The following ORAI3 variants were observed in gnomAD, a reference collection of about 807,000 sequenced individuals.
ORAI3 encodes ORAI calcium release-activated calcium modulator 3.
A neutral mutation model predicts 17.2 loss-of-function variants in ORAI3; 15 were observed. That is an observed-to-expected ratio of 0.87 (90% CI 0.58 to 1.34). ORAI3 has a LOEUF of 1.34. ORAI3 is among the 40% of genes most tolerant of loss of function. The pLI, the probability that ORAI3 is intolerant of heterozygous loss-of-function variation, is 0.00. For missense variants in ORAI3, 405 were observed against 396.7 expected (o/e 1.02, Z -0.18); for synonymous variants, 178 against 172.4 (o/e 1.03, Z -0.25).
intron 1 of ORAI3, 66 bp downstream of exon 1, chr16:30,949,583 G>GGC: frequency 1.7e-6 from 1 of 598,932 alleles, no homozygotes; most frequent in African/African-American, 2.1e-5. Flanking sequence ...TCGGGGGGGG[G>GGC]GCGAAGTAAA....
rs1382564302 is a variant in ORAI3, at chr16:30,953,278, G to A, written c.322G>A (p.Val108Met). 9 of 1,613,844 alleles carry A rather than the reference G, an allele frequency of 5.6e-6. No individual in the cohort carries two copies. Among genetic ancestry groups the A allele is most frequent in the South Asian group, 1.1e-5 (1 of 91,048 alleles). Residue 108 changes from valine to methionine, a missense_variant, in exon 2 of 2, where the codon GTG becomes ATG. By Grantham distance (21) the Val-to-Met change is conservative. Coordinates refer to ENST00000318663, the MANE Select transcript of ORAI3 (RefSeq NM_152288.3). ...TGCCTGCACCACCGTGCTGGTGGCT[G>A]TGCACCTCTTTGCACTCATGGTCTC... ...FSACTTVLVA[V>M]HLFALMVSTC... is the part of the protein sequence containing the mutation.
At chr16:30,951,163 C>A (rs1359616261) in intron 1 of ORAI3, among the ~76,000 whole-genome samples, 1 of 152,200 alleles carries the variant, frequency 6.6e-6, no homozygotes, top group Non-Finnish European at 1.5e-5. Flanking sequence ...CTTCTTTCCC[C>A]AGGCCCAGAG....
rs1283881255 is a variant in ORAI3 at position 30,953,811 on chromosome 16, G to T, written c.855G>T (p.Leu285=). Residue 285 remains leucine, a synonymous_variant, in exon 2 of 2, where the codon CTG becomes CTT. Coordinates refer to ENST00000318663, the MANE Select transcript of ORAI3 (RefSeq NM_152288.3). ...TDRYKQELEE[L]NRLQGELQAV is the part of the protein sequence containing the mutation. Reference sequence around the variant, plus strand: ...GCTACAAGCAGGAACTAGAGGAACTGAATCGCCTGCAGGGGGAGCTGCAGG... The same window carrying T: ...GCTACAAGCAGGAACTAGAGGAACTTAATCGCCTGCAGGGGGAGCTGCAGG... 6.2e-7 allele frequency: 1 copy of T among 1,612,234 alleles called. No individual in the cohort carries two copies. The highest frequency in any genetic ancestry group is 8.5e-7 in the Non-Finnish European group (1 of 1,179,338).
In ORAI3 at chr16:30,953,277, T is replaced by C; in HGVS notation, c.321T>C (p.Ala107=). The part of the protein sequence containing the change: ...AFSACTTVLV[A]VHLFALMVST... ...GTGCCTGCACCACCGTGCTGGTGGC[T>C]GTGCACCTCTTTGCACTCATGGTCT... Residue 107 remains alanine, a synonymous_variant, in exon 2 of 2, where the codon GCT becomes GCC. Transcript: ENST00000318663. 1.2e-6 allele frequency: 2 copies of C among 1,614,000 alleles called. No homozygotes were observed. Among genetic ancestry groups the C allele is most frequent in the Non-Finnish European group, 1.7e-6 (2 of 1,179,922 alleles).
At position 30,953,246 on chromosome 16, in the gene ORAI3, C is replaced by T; in HGVS notation, c.290C>T (p.Ala97Val). 1 of 1,608,396 alleles carries T rather than the reference C, an allele frequency of 6.2e-7. No homozygotes were observed. Among genetic ancestry groups the T allele is most frequent in the South Asian group, 1.1e-5 (1 of 90,006 alleles). ...DHEYPPGLLVAFSACTTVLVA... is the reference protein window; with the variant it reads ...DHEYPPGLLVVFSACTTVLVA... ...GAGTACCCACCAGGCCTGCTGGTGGCCTTCAGTGCCTGCACCACCGTGCTG... is the reference window on the plus strand; with the variant it reads ...GAGTACCCACCAGGCCTGCTGGTGGTCTTCAGTGCCTGCACCACCGTGCTG... Residue 97 changes from alanine to valine, a missense_variant, in exon 2 of 2, where the codon GCC (alanine) becomes GTC (valine). Coordinates refer to ENST00000318663, the MANE Select transcript of ORAI3 (RefSeq NM_152288.3).
rs766443468 is a variant in ORAI3 at position 30,949,379 on chromosome 16, C to A, written c.90C>A (p.Phe30Leu). ...CAGGCTCGGCCACGTACCGGGAGTT[C>A]GTGCACCGCGGCTACCTGGACCTCA... ...SPAGSATYRE[F>L]VHRGYLDLMG... is the part of the protein sequence containing the mutation. Residue 30 changes from phenylalanine (F) to leucine (L), a missense_variant, in exon 1 of 2, where the codon TTC (phenylalanine) becomes TTA (leucine). Phe to Leu is a conservative substitution (Grantham distance 22). Transcript: ENST00000318663. The A allele has an allele frequency of 7.0e-6, 11 of 1,578,432 alleles. No individual in the cohort carries two copies. Among genetic ancestry groups the A allele is most frequent in the Non-Finnish European group, 9.4e-6 (11 of 1,164,358 alleles).
At position 30,954,223 on chromosome 16, in the gene ORAI3, GTTTAA is replaced by G. The variant is rs1156662518; in HGVS notation, c.*383_*387del. On this transcript the variant is annotated 3_prime_UTR_variant, in exon 2 of 2. Coordinates refer to ENST00000318663, the MANE Select transcript of ORAI3 (RefSeq NM_152288.3). ...AAGGTCAGAAGGCAGCCAATTGTTG[GTTTAA>G]TTTTTTTTTTTTTTTGAGACAGTCT... The G allele has an allele frequency of 3.1e-6, 2 of 651,252 alleles. No individual in the cohort carries two copies. The highest frequency in any genetic ancestry group is 5.5e-6 in the Non-Finnish European group (2 of 363,040). 40.3% of individuals were successfully genotyped at this position (651,252 alleles called of 1,614,324 possible).
rs1442052192 is a variant in ORAI3 at position 30,954,697 on chromosome 16, G to A, written c.*853G>A. 6.5e-6 allele frequency: 1 copy of A among 155,014 alleles called. No homozygotes were observed. Among genetic ancestry groups the A allele is most frequent in the African/African-American group, 2.4e-5 (1 of 41,428 alleles). The allele number at this position is 155,014 out of a possible 1,614,324, so 9.6% of individuals were successfully genotyped here. ...TGGTGACCTGTGGCCACTTGCAGAA[G>A]GGATGGTGCCTGACCCACTGCCCTA... is the stretch of plus-strand genomic sequence containing the variant. On this transcript the variant is annotated 3_prime_UTR_variant, in exon 2 of 2. Transcript: ENST00000318663.
chr16:30,953,250 C>T lies in ORAI3; in HGVS notation c.294C>T (p.Phe98=). ...HEYPPGLLVA[F]SACTTVLVAV... is the part of the protein sequence containing the mutation. ...ACCCACCAGGCCTGCTGGTGGCCTTCAGTGCCTGCACCACCGTGCTGGTGG... is the reference window on the plus strand; with the variant it reads ...ACCCACCAGGCCTGCTGGTGGCCTTTAGTGCCTGCACCACCGTGCTGGTGG... The change falls in exon 2 of 2, where the codon TTC becomes TTT. Residue 98 remains phenylalanine (F), a synonymous_variant. Transcript: ENST00000318663. 4.3e-6 allele frequency: 7 copies of T among 1,610,018 alleles called. No homozygotes were observed. The highest frequency in any genetic ancestry group is 5.9e-6 in the Non-Finnish European group (7 of 1,177,958).
In ORAI3 at chr16:30,953,904, C is replaced by T. The variant is rs375813856; in HGVS notation, c.*60C>T. The T allele has an allele frequency of 5.2e-6, 8 of 1,534,190 alleles. No homozygotes were observed. The highest frequency in any genetic ancestry group is 4.6e-5 in the East Asian group (2 of 43,916). ...CCTCCCTCCGGGGTCTGTAAGAGGCCGCAGGGGCCTACAGACCTCATCCCC... is the reference window on the plus strand; with the variant it reads ...CCTCCCTCCGGGGTCTGTAAGAGGCTGCAGGGGCCTACAGACCTCATCCCC... On this transcript the variant is annotated 3_prime_UTR_variant, in exon 2 of 2. Transcript: ENST00000318663.
Position 30,953,215 on chromosome 16 carries a change from G to A in ORAI3, c.259G>A (p.Asp87Asn), listed in dbSNP as rs963602459. 7 of 1,589,166 alleles carry A rather than the reference G, an allele frequency of 4.4e-6. No homozygotes were observed. In the African/African-American group the frequency reaches 6.7e-5, roughly 15 times the overall value. Residue 87 changes from aspartate (D) to asparagine (N), a missense_variant, in exon 2 of 2, where the codon GAC becomes AAC. Transcript: ENST00000318663. The stretch of plus-strand genomic sequence containing the variant: ...CATGGTGGAGGTGCAGCTGGAGAGT[G>A]ACCACGAGTACCCACCAGGCCTGCT... ...VAMVEVQLES[D>N]HEYPPGLLVA...
In ORAI3 at chr16:30,953,692, A is replaced by G; in HGVS notation, c.736A>G (p.Met246Val). 2 of 1,614,172 alleles carry G rather than the reference A, an allele frequency of 1.2e-6. No individual in the cohort carries two copies. The highest frequency in any genetic ancestry group is 1.7e-6 in the Non-Finnish European group (2 of 1,180,038). ...CCATGGGCCAGGCTGGCAAGCAGCC[A>G]TGGCCTCCACAGCCATCATGGTACC... Reference protein sequence around the residue: ...GAHGPGWQAAMASTAIMVPVG... With the variant: ...GAHGPGWQAAVASTAIMVPVG... The change falls in exon 2 of 2, where the codon ATG (methionine) becomes GTG (valine). Residue 246 changes from methionine to valine, a missense_variant. Met to Val is a conservative substitution (Grantham distance 21). Transcript: ENST00000318663.
In ORAI3 at chr16:30,953,511, C is replaced by T; in HGVS notation, c.555C>T (p.Thr185=). ...TTGGGGCTCCCTTGGACACACCGAC[C>T]CCCATGGTGCCCACATCCCGGGTGC... ...VPIGAPLDTP[T]PMVPTSRVPG... Residue 185 remains threonine, a synonymous_variant, in exon 2 of 2, where the codon ACC becomes ACT. Transcript: ENST00000318663. 3.7e-6 allele frequency: 6 copies of T among 1,614,254 alleles called. No homozygotes were observed. Among genetic ancestry groups the T allele is most frequent in the Non-Finnish European group, 5.1e-6 (6 of 1,180,038 alleles).
rs1324117531 is a variant in ORAI3 at position 30,954,925 on chromosome 16, T to C, written c.*1081T>C. The C allele has an allele frequency of 6.6e-6, 1 of 152,258 alleles. No individual in the cohort carries two copies. Among genetic ancestry groups the C allele is most frequent in the Non-Finnish European group, 1.5e-5 (1 of 68,044 alleles). The allele number at this position is 152,258 out of a possible 1,614,324, so 9.4% of individuals were successfully genotyped here. A position where few individuals can be genotyped will look rare whatever the true frequency, so the allele number is the denominator to read the frequency against. ...GATGCACCTTGTTTTATATAATAAA[T>C]CGTGTTTCACAGATGTCCCTGTTGC... is the stretch of plus-strand genomic sequence containing the variant. On this transcript the variant is annotated 3_prime_UTR_variant, in exon 2 of 2. Coordinates refer to ENST00000318663, the MANE Select transcript of ORAI3 (RefSeq NM_152288.3).
chr16:30,954,758 C>T lies in ORAI3; in HGVS notation c.*914C>T, dbSNP rs994142348. ...ATGCACCAAACTTGTTCTCCCCGTCCTGGTCCAGGGCTGGGGTCTTTAGAG... is the reference window on the plus strand; with the variant it reads ...ATGCACCAAACTTGTTCTCCCCGTCTTGGTCCAGGGCTGGGGTCTTTAGAG... On this transcript the variant is annotated 3_prime_UTR_variant, in exon 2 of 2. Coordinates refer to ENST00000318663, the MANE Select transcript of ORAI3 (RefSeq NM_152288.3). The T allele has an allele frequency of 6.6e-6, 1 of 152,596 alleles. No individual in the cohort carries two copies. Among genetic ancestry groups the T allele is most frequent in the Non-Finnish European group, 1.5e-5 (1 of 68,372 alleles). 9.5% of individuals were successfully genotyped at this position (152,596 alleles called of 1,614,324 possible).
chr16:30,949,516 T>C lies in ORAI3; in HGVS notation c.227T>C (p.Met76Thr). The C allele has an allele frequency of 7.9e-7, 1 of 1,266,976 alleles. No individual in the cohort carries two copies. Among genetic ancestry groups the C allele is most frequent in the Non-Finnish European group, 1.0e-6 (1 of 988,624 alleles). The allele number at this position is 1,266,976 out of a possible 1,614,324, so 78.5% of individuals were successfully genotyped here. ...TCTGCCTTGCTCTCGGGCTTCGCCA[T>C]GGTGAGGGGCCGGGAGGGGTCACAC... The part of the protein sequence containing the change: ...RTSALLSGFA[M>T]VAMVEVQLES... Residue 76 changes from methionine (M) to threonine (T), a missense_variant and splice_region_variant, in exon 1 of 2, where the codon ATG (methionine) becomes ACG (threonine). Coordinates refer to ENST00000318663, the MANE Select transcript of ORAI3 (RefSeq NM_152288.3).
rs777597323 is a variant in ORAI3 at position 30,953,395 on chromosome 16, G to A, written c.439G>A (p.Val147Met). Residue 147 changes from valine (V) to methionine (M), a missense_variant, in exon 2 of 2, where the codon GTG (valine) becomes ATG (methionine). Physicochemically the swap from Val to Met is conservative, Grantham distance 21 (BLOSUM62 1). Transcript: ENST00000318663. ...QSPHQRLHRY[V>M]ELAWGFSTAL... ...GCCACACCAGAGACTGCACCGCTAC[G>A]TGGAGCTGGCCTGGGGCTTCTCCAC... The A allele has an allele frequency of 2.2e-5, 35 of 1,614,124 alleles. No individual in the cohort carries two copies. The highest frequency in any genetic ancestry group is 4.5e-5 in the East Asian group (2 of 44,900).
At chr16:30,949,652 C>G (rs1398668074) in intron 1 of ORAI3, 135 bp downstream of exon 1, 1 of 723,944 alleles carries the variant, frequency 1.4e-6, no homozygotes, top group Non-Finnish European at 2.2e-6. Flanking sequence ...GGAACAAGGT[C>G]CCGCGGGACT....
Position 30,953,174 on chromosome 16 carries a change from T to G in ORAI3, c.229-11T>G. ...ATGGGGAGATCAGTACATCCCCTCTTGTCCCTGCAGGTGGCCATGGTGGAG... is the reference window on the plus strand; with the variant it reads ...ATGGGGAGATCAGTACATCCCCTCTGGTCCCTGCAGGTGGCCATGGTGGAG... On this transcript the variant is annotated splice_polypyrimidine_tract_variant and intron_variant, in intron 1 of 1. Transcript: ENST00000318663. 1.9e-6 allele frequency: 3 copies of G among 1,567,678 alleles called. No individual in the cohort carries two copies. Among genetic ancestry groups the G allele is most frequent in the Non-Finnish European group, 2.6e-6 (3 of 1,157,644 alleles).
Sources: allele counts gnomAD v4.1 joint callset (sites outside exome capture counted in the v4.1 genomes callset), GRCh38; gene constraint gnomAD v4.1.1; transcripts MANE v1.5; gene names NCBI Gene and HGNC (gene_info 2026-07-23, HGNC 2026-07-21).